HPS1: variants seen among roughly 807,000 people sequenced by gnomAD.
The protein encoded by HPS1 is HPS1 biogenesis of lysosomal organelles complex 3 subunit 1.
A neutral mutation model predicts 90.6 loss-of-function variants in HPS1; 59 were observed. The observed-to-expected ratio is 0.65, with a 90% CI of 0.53 to 0.81. The LOEUF is 0.81. Among genes scored for constraint, HPS1 ranks in the 30% least tolerant of loss-of-function variants. The pLI, the probability that HPS1 is intolerant of heterozygous loss-of-function variation, is 0.00. For synonymous variants in HPS1, 388 were observed against 384.4 expected (o/e 1.01, Z -0.11); for missense variants, 849 against 896.7 (o/e 0.95, Z 0.68).
chr10:98,414,975 C>A, downstream of HPS1: 1 of 1,607,692 alleles, frequency 6.2e-7, no homozygotes. Context: ...CTTCCCGCCC[C>A]TCAGCTCTGG....
At chr10:98,428,780 T>A (rs551934201) in intron 10 of HPS1, among the ~76,000 whole-genome samples, 156 of 151,658 alleles carry the variant, frequency 1.0e-3, no homozygotes, top group Non-Finnish European at 1.9e-3. Flanking sequence ...TGGATTTTGG[T>A]TTATCTACTT....
chr10:98,414,539 A>G (rs1010964278), downstream of HPS1, among the ~76,000 whole-genome samples: 12 of 152,246 alleles, frequency 7.9e-5, no homozygotes, highest in African/African-American at 2.9e-4. Context: ...AAATGACTGC[A>G]GTTTCTTGTG....
At chr10:98,415,521 AG>A, downstream of HPS1, among the ~76,000 whole-genome samples, 1 of 152,324 alleles carries the variant, frequency 6.6e-6, no homozygotes, top group Non-Finnish European at 1.5e-5. Flanking sequence ...GGAGCTCGAA[AG>A]GGCCCTCTCC....
intron 17 of HPS1, among the ~76,000 whole-genome samples, chr10:98,421,988 AC>A (rs1844926591): frequency 2.7e-5 from 4 of 148,972 alleles, no homozygotes; most frequent in Non-Finnish European, 6.0e-5. Context: ...AGACACACAC[AC>A]ACACACACAC....
chr10:98,443,233 C>T lies in HPS1; in HGVS notation c.8G>A (p.Cys3Tyr). The T allele has an allele frequency of 6.2e-7, 1 of 1,613,334 alleles. No individual in the cohort carries two copies. Among genetic ancestry groups the T allele is most frequent in the Non-Finnish European group, 8.5e-7 (1 of 1,179,262 alleles). MK[C>Y]VLVATEGAEV... ...TGCGCCCTCAGTGGCCACCAAGACG[C>T]ACTTCATCTGCCAGGGAAAGGCAAG... Residue 3 changes from cysteine to tyrosine, a missense_variant, in exon 3 of 20, where the codon TGC (cysteine) becomes TAC (tyrosine). Coordinates refer to ENST00000361490, the MANE Select transcript of HPS1 (RefSeq NM_000195.5).
chr10:98,443,029 G>C, intron 3 of HPS1, 95 bp downstream of exon 3: 1 of 887,220 alleles, frequency 1.1e-6, no homozygotes, highest in South Asian at 1.3e-5. Flanking sequence ...GCCCAGGACA[G>C]GGTGAACACA....
At chr10:98,422,756 G>A (rs1845058867) in intron 16 of HPS1, among the ~76,000 whole-genome samples, 1 of 152,204 alleles carries the variant, frequency 6.6e-6, no homozygotes, top group Admixed American at 6.5e-5. Context: ...GGGCAGTTCT[G>A]GCCCTACAGG....
intron 3 of HPS1, among the ~76,000 whole-genome samples, chr10:98,441,846 G>C (rs79359145): frequency 0.13 from 19,589 of 152,218 alleles, 1,533 homozygotes; most frequent in South Asian, 0.22. Context: ...TGTTGGTGAG[G>C]ATATGGAGGA....
intron 18 of HPS1, 69 bp from the exon 19 acceptor site, chr10:98,418,326 C>CT: frequency 1.2e-6 from 1 of 852,252 alleles, no homozygotes; most frequent in South Asian, 1.8e-5. Flanking sequence ...ACGCACCGGG[C>CT]TTGCGGCCTG....
chr10:98,427,640 C>G (rs1261989655), intron 10 of HPS1, among the ~76,000 whole-genome samples: 1 of 152,116 alleles, frequency 6.6e-6, no homozygotes, highest in Non-Finnish European at 1.5e-5. Flanking sequence ...AGGCCTCAAC[C>G]CGCCCCTCAG....
intron 18 of HPS1, among the ~76,000 whole-genome samples, chr10:98,418,465 G>A (rs914554675): frequency 3.3e-5 from 5 of 152,294 alleles, no homozygotes; most frequent in East Asian, 3.9e-4. Flanking sequence ...TTCAAGGGCC[G>A]GCAGGGTAGC....
At chr10:98,431,542 C>A (rs1225524785) in intron 6 of HPS1, among the ~76,000 whole-genome samples, 2 of 152,186 alleles carry the variant, frequency 1.3e-5, no homozygotes, top group African/African-American at 4.8e-5. Context: ...AAGTAAGCAC[C>A]AAGTACAAAA....
intron 16 of HPS1, among the ~76,000 whole-genome samples, chr10:98,423,011 C>A (rs1845092811): frequency 6.6e-6 from 1 of 152,242 alleles, no homozygotes; most frequent in Admixed American, 6.5e-5. Context: ...GGCATCCTTT[C>A]ACCTGCCCAC....
At chr10:98,414,933 C>T (rs1843947472), downstream of HPS1, 3 of 1,552,168 alleles carry the variant, frequency 1.9e-6, no homozygotes, top group Non-Finnish European at 2.6e-6. Flanking sequence ...GGCTCCCCCT[C>T]CCCCTCCCCA....
intron 18 of HPS1, among the ~76,000 whole-genome samples, chr10:98,418,983 C>T (rs941802717): frequency 3.9e-5 from 6 of 152,220 alleles, no homozygotes; most frequent in African/African-American, 1.2e-4. Flanking sequence ...GCCTGCAGGC[C>T]GGGGGAGCAG....
rs1846169304 is a variant in HPS1, at chr10:98,429,892, GT to G, written c.769-4del. The G allele has an allele frequency of 1.9e-6, 3 of 1,609,376 alleles. No individual in the cohort carries two copies. The African/African-American group carries it at 4.0e-5, about 21-fold the overall frequency. ...CTCCGGGCCCTCCGCGGGGAAGGCT[GT>G]GCAGGGCAGGGGAGAGGCTGGTTAG... On this transcript the variant is annotated splice_polypyrimidine_tract_variant and splice_region_variant and intron_variant, in intron 8 of 19. Coordinates refer to ENST00000361490, the MANE Select transcript of HPS1 (RefSeq NM_000195.5).
chr10:98,439,194 G>A (rs1477467749), intron 3 of HPS1, among the ~76,000 whole-genome samples: 1 of 152,226 alleles, frequency 6.6e-6, no homozygotes, highest in Admixed American at 6.5e-5. Context: ...GGAATGTGGG[G>A]TCAGACACCT....
In HPS1 at chr10:98,417,640, G is replaced by A. The variant is rs764857288; in HGVS notation, c.2027C>T (p.Pro676Leu). The A allele has an allele frequency of 6.2e-7, 1 of 1,613,694 alleles. No individual in the cohort carries two copies. Among genetic ancestry groups the A allele is most frequent in the Admixed American group, 1.7e-5 (1 of 60,016 alleles). Residue 676 changes from proline to leucine, a missense_variant, in exon 20 of 20, where the codon CCC becomes CTC. Transcript: ENST00000361490. The surrounding 1 kb of genome is among the most constrained non-coding windows in gnomAD (Gnocchi z 4.2). ...GGCCTGCTGCACCAGCAGGTCAGTG[G>A]GGATGACAGACAGGTGCAGGGCCAG... The part of the protein sequence containing the change: ...ELLALHLSVI[P>L]TDLLVQQAGQ...
chr10:98,443,768 C>T (rs1938897023), intron 2 of HPS1, among the ~76,000 whole-genome samples: 1 of 152,198 alleles, frequency 6.6e-6, no homozygotes, highest in Non-Finnish European at 1.5e-5. Flanking sequence ...CGCGGTGGCT[C>T]ACGCCTGTAA....
Sources: allele counts gnomAD v4.1 joint callset (sites outside exome capture counted in the v4.1 genomes callset), GRCh38; gene constraint gnomAD v4.1.1; non-coding constraint Gnocchi (gnomAD v3.1); transcripts MANE v1.5; gene names NCBI Gene and HGNC (gene_info 2026-07-23, HGNC 2026-07-21).